ADRA1A: variants seen among roughly 807,000 people sequenced by gnomAD.
ADRA1A encodes alpha-1A adrenergic receptor.
In ADRA1A, 31 loss-of-function variants were observed where a neutral mutation model predicts 29.6. The ratio of observed to expected loss-of-function variants is 1.05; its 90% CI spans 0.79 to 1.41. ADRA1A has a LOEUF of 1.41. Among genes scored for constraint, ADRA1A ranks in the 40% most tolerant of loss-of-function variants. The pLI, the probability that ADRA1A is intolerant of heterozygous loss-of-function variation, is 0.00. For missense variants in ADRA1A, 619 were observed against 601.1 expected (o/e 1.03, Z -0.31); for synonymous variants, 311 against 254.3 (o/e 1.22, Z -2.12).
chr8:26,838,385 T>C lies in ADRA1A; in HGVS notation c.883+25702A>G, dbSNP rs1286219182. ...AGTGATGAGTAGAAAATCCAGACCCTTCACCCCGCTGCTCATCTGAAATAG... is the reference window on the plus strand; with the variant it reads ...AGTGATGAGTAGAAAATCCAGACCCCTCACCCCGCTGCTCATCTGAAATAG... On this transcript the variant is annotated intron_variant, in intron 2 of 2. Transcript: ENST00000380573. Among the ~76,000 whole-genome samples, 4 of 152,284 alleles carry C rather than the reference T, an allele frequency of 2.6e-5. No individual in the cohort carries two copies. The East Asian group carries it at 7.7e-4, about 29-fold the overall frequency.
chr8:26,822,824 A>C (rs2130603936), intron 2 of ADRA1A, among the ~76,000 whole-genome samples: 1 of 152,276 alleles, frequency 6.6e-6, no homozygotes, highest in South Asian at 2.1e-4. Flanking sequence ...TCGTGGTGGA[A>C]GGTGAAGGGG....
At chr8:26,814,686 A>G (rs1178283871) in intron 2 of ADRA1A, among the ~76,000 whole-genome samples, 1 of 152,212 alleles carries the variant, frequency 6.6e-6, no homozygotes, top group Non-Finnish European at 1.5e-5. Context: ...CTATTTACTC[A>G]TCCATCTACC....
At chr8:26,813,642 T>C (rs994265170) in intron 2 of ADRA1A, among the ~76,000 whole-genome samples, 9 of 152,144 alleles carry the variant, frequency 5.9e-5, no homozygotes, top group African/African-American at 1.9e-4. Flanking sequence ...TGATATGGAA[T>C]TCATACAAGC....
chr8:26,751,435 G>A (rs1054931735), downstream of ADRA1A, among the ~76,000 whole-genome samples: 5 of 152,180 alleles, frequency 3.3e-5, no homozygotes, highest in African/African-American at 1.2e-4. Context: ...TTGGCATTAA[G>A]AGGCCTTTTG....
intron 2 of ADRA1A, among the ~76,000 whole-genome samples, chr8:26,832,477 G>A (rs539890851): frequency 3.3e-5 from 5 of 152,230 alleles, no homozygotes; most frequent in Admixed American, 1.3e-4. Context: ...TACAGACACC[G>A]TTCAGAGAAA....
At chr8:26,790,856 TGAA>T (rs2130421823) in intron 2 of ADRA1A, among the ~76,000 whole-genome samples, 1 of 152,344 alleles carries the variant, frequency 6.6e-6, no homozygotes, top group East Asian at 1.9e-4. Flanking sequence ...CAAAACAGTT[TGAA>T]GAAGGTCATA....
At chr8:26,762,315 G>A (rs549795041), downstream of ADRA1A, among the ~76,000 whole-genome samples, 13 of 152,268 alleles carry the variant, frequency 8.5e-5, no homozygotes, top group African/African-American at 2.9e-4. The surrounding 1 kb of genome is among the most constrained non-coding windows in gnomAD (Gnocchi z 4.0). Context: ...AGCACTGCAA[G>A]CAGAGGGTAA....
chr8:26,766,026 G>A, downstream of ADRA1A: 1 of 1,612,814 alleles, frequency 6.2e-7, no homozygotes, highest in Non-Finnish European at 8.5e-7. Flanking sequence ...TTTGCAGACT[G>A]CCTAGGTCTC....
intron 2 of ADRA1A, among the ~76,000 whole-genome samples, chr8:26,797,939 C>G (rs189224768): frequency 2.0e-5 from 3 of 151,880 alleles, no homozygotes; most frequent in African/African-American, 7.3e-5. Flanking sequence ...AGGTGGAGGT[C>G]TGTTTGATTC....
intron 2 of ADRA1A, chr8:26,757,014 CT>C: frequency 1.4e-6 from 1 of 716,680 alleles, no homozygotes; most frequent in Non-Finnish European, 2.5e-6. Context: ...TGAGATGATG[CT>C]TTTGGTCTTC....
At position 26,806,102 on chromosome 8, in the gene ADRA1A, C is replaced by T. The variant is rs890491970; in HGVS notation, c.884-35436G>A. Reference sequence around the variant, plus strand: ...GCATGTGGCAGCTTTACCTAATGACCGAACTCCCGAATGTTCCCATTCTGT... The same window carrying T: ...GCATGTGGCAGCTTTACCTAATGACTGAACTCCCGAATGTTCCCATTCTGT... On this transcript the variant is annotated intron_variant, in intron 2 of 2. Transcript: ENST00000380573. The surrounding 1 kb of genome is among the most constrained non-coding windows in gnomAD (Gnocchi z 4.6). 2.0e-4 allele frequency among the ~76,000 whole-genome samples: 31 copies of T among 152,128 alleles called. No individual in the cohort carries two copies. Among genetic ancestry groups the T allele is most frequent in the Non-Finnish European group, 3.2e-4 (22 of 68,020 alleles).
downstream of ADRA1A, chr8:26,766,078 T>C (rs1241840473): frequency 6.2e-7 from 1 of 1,613,774 alleles, no homozygotes; most frequent in African/African-American, 1.3e-5. Context: ...TTCTCCACGG[T>C]GGCATCATAA....
intron 2 of ADRA1A, among the ~76,000 whole-genome samples, chr8:26,798,650 GA>G (rs1808353310): frequency 6.6e-6 from 1 of 152,132 alleles, no homozygotes; most frequent in African/African-American, 2.4e-5. Context: ...AATAGAACTA[GA>G]ATGGTATCTG....
chr8:26,855,583 T>C (rs1340409676), intron 2 of ADRA1A, among the ~76,000 whole-genome samples: 1 of 151,284 alleles, frequency 6.6e-6, no homozygotes, highest in Non-Finnish European at 1.5e-5. Context: ...CTGTTGGGGG[T>C]TGGGGGGCAA....
At chr8:26,785,859 C>T (rs375512643) in intron 2 of ADRA1A, among the ~76,000 whole-genome samples, 2 of 152,264 alleles carry the variant, frequency 1.3e-5, no homozygotes, top group East Asian at 3.9e-4. Flanking sequence ...GACAATCAGT[C>T]CTGATGTCTT....
rs1813684186 is a variant in ADRA1A, at chr8:26,864,139, C to A, written c.831G>T (p.Val277=). The A allele has an allele frequency of 1.9e-6, 3 of 1,614,044 alleles. No individual in the cohort carries two copies. The highest frequency in any genetic ancestry group is 1.3e-5 in the African/African-American group (1 of 74,938). The change falls in exon 2 of 3, where the codon GTG becomes GTT. Residue 277 remains valine, a synonymous_variant. Coordinates refer to ENST00000380573, the MANE Select transcript of ADRA1A (RefSeq NM_000680.4). This position sits in a 1 kb window ranked among gnomAD's most constrained non-coding sequence, Gnocchi z 8.1. ...GCCAGCAGAGGACGAAGCAGCCGAC[C>A]ACGATGCCCAGCGTTTTGGCCGCTT... ...EKKAAKTLGI[V]VGCFVLCWLP... is the part of the protein sequence containing the mutation.
At chr8:26,795,850 A>G (rs925223567) in intron 2 of ADRA1A, among the ~76,000 whole-genome samples, 2 of 152,148 alleles carry the variant, frequency 1.3e-5, no homozygotes, top group Non-Finnish European at 1.5e-5. Flanking sequence ...TCAAAGGAAA[A>G]TTAAATAGAA....
intron 2 of ADRA1A, among the ~76,000 whole-genome samples, chr8:26,862,046 A>T (rs1813511627): frequency 6.6e-6 from 1 of 152,100 alleles, no homozygotes; most frequent in Non-Finnish European, 1.5e-5. Flanking sequence ...TTCCCACCAC[A>T]ATTAGAATAA....
downstream of ADRA1A, among the ~76,000 whole-genome samples, chr8:26,755,374 T>A (rs1805113573): frequency 6.6e-6 from 1 of 152,228 alleles, no homozygotes; most frequent in South Asian, 2.1e-4. Context: ...AGTGAGTTCT[T>A]TCTTGGCTTA....
Sources: gnomAD v4.1 joint callset for allele counts (sites outside exome capture counted in the v4.1 genomes callset) on GRCh38, gnomAD v4.1.1 for gene constraint, Gnocchi (gnomAD v3.1) non-coding constraint, MANE v1.5 for transcripts, NCBI Gene and HGNC (gene_info 2026-07-23, HGNC 2026-07-21) for gene names.